The following FOXN3 variants were observed in gnomAD, a reference collection of about 807,000 sequenced individuals.
FOXN3 encodes the protein forkhead box protein N3.
A neutral mutation model predicts 38.4 loss-of-function variants in FOXN3; 7 were observed. The ratio of observed to expected loss-of-function variants is 0.18; its 90% confidence interval spans 0.10 to 0.34. FOXN3 has a LOEUF of 0.34. Ranked by LOEUF, FOXN3 falls within the 10% of genes least tolerant of loss-of-function variation. FOXN3 has a pLI of 1.00. For synonymous variants in FOXN3, 230 were observed against 242.2 expected (o/e 0.95, Z 0.47); for missense variants, 456 against 613.4 (o/e 0.74, Z 2.71).
At chr14:89,566,067 C>T (rs1043023379) in intron 1 of FOXN3, among the ~76,000 whole-genome samples, 2 of 152,216 alleles carry the variant, frequency 1.3e-5, no homozygotes, top group Non-Finnish European at 1.5e-5. Flanking sequence ...CTTTTCATCT[C>T]ACATAATTCC....
intron 1 of FOXN3, among the ~76,000 whole-genome samples, chr14:89,587,845 GAA>G (rs1210593042): frequency 1.7e-5 from 2 of 121,040 alleles, no homozygotes; most frequent in Non-Finnish European, 3.2e-5. Flanking sequence ...CAGCCTGGGT[GAA>G]AGAGTAAGAC....
chr14:89,311,537 A>G (rs888577213), intron 3 of FOXN3, among the ~76,000 whole-genome samples: 1 of 146,632 alleles, frequency 6.8e-6, no homozygotes, highest in African/African-American at 2.5e-5. Flanking sequence ...ATAAAACTAG[A>G]TACCTGTGGC....
At chr14:89,430,537 A>T (rs1164945072) in intron 1 of FOXN3, among the ~76,000 whole-genome samples, 3 of 152,222 alleles carry the variant, frequency 2.0e-5, no homozygotes, top group African/African-American at 7.2e-5. Context: ...GCTATTTGCT[A>T]CTACTGTCAC....
chr14:89,184,805 C>T (rs79587652), intron 4 of FOXN3, among the ~76,000 whole-genome samples: 1,920 of 152,282 alleles, frequency 0.013, 31 homozygotes, highest in Non-Finnish European at 0.017. Context: ...TCATCGTCAT[C>T]GTCACCGTCA....
chr14:89,313,243 G>C (rs1480912624), intron 3 of FOXN3, among the ~76,000 whole-genome samples: 1 of 152,164 alleles, frequency 6.6e-6, no homozygotes, highest in Non-Finnish European at 1.5e-5. Context: ...TGCACACATA[G>C]TAAAAAAAGA....
intron 4 of FOXN3, among the ~76,000 whole-genome samples, chr14:89,229,242 C>G (rs925865376): frequency 2.0e-5 from 3 of 152,230 alleles, no homozygotes; most frequent in Non-Finnish European, 4.4e-5. Flanking sequence ...AAATTCGTCA[C>G]ATTGATTGCC....
At chr14:89,420,768 A>G (rs1287482285), upstream of FOXN3, among the ~76,000 whole-genome samples, 2 of 152,146 alleles carry the variant, frequency 1.3e-5, no homozygotes, top group African/African-American at 2.4e-5. Context: ...TGCAAGCATC[A>G]TATCACCAAA....
intron 1 of FOXN3, among the ~76,000 whole-genome samples, chr14:89,434,398 T>C (rs1157571984): frequency 2.0e-5 from 3 of 151,930 alleles, no homozygotes; most frequent in African/African-American, 7.3e-5. Context: ...CGGCTAATTT[T>C]TTTGTATTTT....
chr14:89,613,891 C>T (rs1896443509), intron 1 of FOXN3, among the ~76,000 whole-genome samples: 1 of 152,184 alleles, frequency 6.6e-6, no homozygotes, highest in South Asian at 2.1e-4. Flanking sequence ...CCTGATTTCT[C>T]ATCTCCATAC....
At chr14:89,355,248 TG>T (rs990733105) in intron 2 of FOXN3, 2 of 144,976 alleles carry the variant, frequency 1.4e-5, no homozygotes, top group African/African-American at 5.2e-5. Flanking sequence ...TTTGTGGAAA[TG>T]GAGTCTCACT....
chr14:89,178,687 C>A (rs1240453841), intron 5 of FOXN3, among the ~76,000 whole-genome samples: 1 of 152,352 alleles, frequency 6.6e-6, no homozygotes, highest in East Asian at 1.9e-4. Context: ...GTTGAAATAA[C>A]ACCTCAAGAG....
chr14:89,494,044 G>A (rs1407357050), intron 1 of FOXN3: 1 of 151,970 alleles, frequency 6.6e-6, no homozygotes, highest in Admixed American at 6.6e-5. Context: ...GTGCAGAAGG[G>A]GAATGCCGCA....
chr14:89,472,172 T>C (rs1324114132), intron 1 of FOXN3, among the ~76,000 whole-genome samples: 1 of 150,086 alleles, frequency 6.7e-6, no homozygotes, highest in East Asian at 2.0e-4. Context: ...GGAGAATCGC[T>C]GGAACCCAGC....
At chr14:89,499,926 C>T (rs530243803) in intron 1 of FOXN3, among the ~76,000 whole-genome samples, 13 of 151,908 alleles carry the variant, frequency 8.6e-5, no homozygotes, top group Admixed American at 2.6e-4. Flanking sequence ...GGTTGCTCAC[C>T]GCAACCTCCG....
chr14:89,263,295 T>C (rs957652965), intron 4 of FOXN3, among the ~76,000 whole-genome samples: 1 of 152,124 alleles, frequency 6.6e-6, no homozygotes, highest in Non-Finnish European at 1.5e-5. Context: ...ATTTCACTTA[T>C]AGTCACATAA....
intron 3 of FOXN3, among the ~76,000 whole-genome samples, chr14:89,310,928 G>A (rs1035739771): frequency 6.6e-6 from 1 of 151,542 alleles, no homozygotes; most frequent in Admixed American, 6.6e-5. Flanking sequence ...CCAATATGGA[G>A]AAACCCCATC....
intron 5 of FOXN3, among the ~76,000 whole-genome samples, chr14:89,173,267 C>T (rs985328985): frequency 5.9e-5 from 9 of 152,200 alleles, no homozygotes; most frequent in South Asian, 2.1e-4. Context: ...GATACCATTA[C>T]GTACCTACCA....
At chr14:89,239,056 C>A (rs1311918433) in intron 4 of FOXN3, among the ~76,000 whole-genome samples, 2 of 152,144 alleles carry the variant, frequency 1.3e-5, no homozygotes, top group Non-Finnish European at 2.9e-5. Flanking sequence ...GGGGAAAAGG[C>A]AGAAATCTAT....
At chr14:89,570,479 A>C (rs1347019209) in intron 1 of FOXN3, among the ~76,000 whole-genome samples, 1 of 151,884 alleles carries the variant, frequency 6.6e-6, no homozygotes. Context: ...ATGCATTAAG[A>C]AGCTCTCCCA....
Sources: allele counts gnomAD v4.1 joint callset (sites outside exome capture counted in the v4.1 genomes callset), GRCh38; gene constraint gnomAD v4.1.1; transcripts MANE v1.5; gene names NCBI Gene and HGNC (gene_info 2026-07-23, HGNC 2026-07-21).